Variants in TTYH1 observed in about 807,000 individuals in gnomAD.
TTYH1 encodes the protein protein tweety homolog 1.
Under a neutral mutation model 61.2 loss-of-function variants are expected in TTYH1, and 33 were observed. That is an observed-to-expected ratio of 0.54 (90% CI 0.41 to 0.72). The LOEUF (loss-of-function observed/expected upper bound fraction) is 0.72, where lower values mean the gene tolerates loss of function less well. Among genes scored for constraint, TTYH1 ranks in the 30% least tolerant of loss-of-function variants. The probability of loss-of-function intolerance (pLI) is 0.00; values close to 1 mark genes in which losing one functional copy is unlikely to be tolerated. For missense variants in TTYH1, 538 were observed against 575.8 expected (o/e 0.93, Z 0.67); for synonymous variants, 308 against 266.4 (o/e 1.16, Z -1.52).
At position 54,429,264 on chromosome 19, in the gene TTYH1, G is replaced by A. The variant is rs1423640423; in HGVS notation, c.735-43G>A. On this transcript the variant is annotated intron_variant, in intron 5 of 13. Transcript: ENST00000376530. The surrounding 1 kb of genome is among the most constrained non-coding windows in gnomAD (Gnocchi z 5.1). ...TGGGGTGTGGAAAGAGGCTAGGCTAGGAGATTAAGAACCCCGGGCTGATCC... is the reference window on the plus strand; with the variant it reads ...TGGGGTGTGGAAAGAGGCTAGGCTAAGAGATTAAGAACCCCGGGCTGATCC... 6.3e-7 allele frequency: 1 copy of A among 1,584,978 alleles called. No individual in the cohort carries two copies. The highest frequency in any genetic ancestry group is 1.7e-5 in the Admixed American group (1 of 59,960).
At chr19:54,431,047 G>A in intron 9 of TTYH1, 52 bp from the exon 10 acceptor site, 1 of 1,534,456 alleles carries the variant, frequency 6.5e-7, no homozygotes, top group Non-Finnish European at 9.0e-7. Context: ...GGGCCAGGGC[G>A]ATGGGCGGGC....
In TTYH1 at chr19:54,419,253, G is replaced by A. The variant is rs768683157; in HGVS notation, c.252G>A (p.Ser84=). 9.3e-6 allele frequency: 15 copies of A among 1,607,262 alleles called. No individual in the cohort carries two copies. Among genetic ancestry groups the A allele is most frequent in the Non-Finnish European group, 1.3e-5 (15 of 1,179,826 alleles). Residue 84 remains serine, a synonymous_variant, in exon 2 of 14, where the codon TCG becomes TCA. Coordinates refer to ENST00000376530, the MANE Select transcript of TTYH1 (RefSeq NM_020659.4). This position sits in a 1 kb window ranked among gnomAD's most constrained non-coding sequence, Gnocchi z 6.1. ...AGCCCCCCGGGTCCAAGATCCCCTCGCCCGGGGGAGGCTGCGTCACCTGGA... is the reference window on the plus strand; with the variant it reads ...AGCCCCCCGGGTCCAAGATCCCCTCACCCGGGGGAGGCTGCGTCACCTGGA... ...PPEPPGSKIP[S]PGGGCVTWSC... is the part of the protein sequence containing the mutation.
intron 10 of TTYH1, chr19:54,433,429 A>G (rs28576683): frequency 0.4 from 60,404 of 151,646 alleles, 14,092 homozygotes; most frequent in African/African-American, 0.65. Context: ...GCGTGGTGGC[A>G]CACCCCTGTA....
rs531505871 is a variant in TTYH1, at chr19:54,436,475, G to C, written c.*185G>C. 6.4e-5 allele frequency: 87 copies of C among 1,357,020 alleles called. No homozygotes were observed. In the East Asian group the frequency reaches 1.5e-3, roughly 24 times the overall value. 84.1% of individuals were successfully genotyped at this position (1,357,020 alleles called of 1,614,324 possible). A position where few individuals can be genotyped will look rare whatever the true frequency, so the allele number is the denominator to read the frequency against. Reference sequence around the variant, plus strand: ...GCTCCCATTTCTGTCCTTGGCCTTGGGAGTAGCTGAGGGGGCAGACTAGGG... The same window carrying C: ...GCTCCCATTTCTGTCCTTGGCCTTGCGAGTAGCTGAGGGGGCAGACTAGGG... On this transcript the variant is annotated 3_prime_UTR_variant, in exon 14 of 14. Coordinates refer to ENST00000376530, the MANE Select transcript of TTYH1 (RefSeq NM_020659.4). This position sits in a 1 kb window ranked among gnomAD's most constrained non-coding sequence, Gnocchi z 4.3.
Position 54,435,575 on chromosome 19 carries a change from G to T in TTYH1, c.1159G>T (p.Asp387Tyr). ...YGAALRGLCEDALEGLLFLLL... is the reference protein window; with the variant it reads ...YGAALRGLCEYALEGLLFLLL... ...TGCAGCCCTGCGGGGCCTGTGCGAA[G>T]ACGCCCTGGAAGGCCTGCTCTTCCT... The change falls in exon 11 of 14, where the codon GAC becomes TAC. Residue 387 changes from aspartate (D) to tyrosine (Y), a missense_variant. By Grantham distance (160) the Asp-to-Tyr change is radical. Transcript: ENST00000376530. 6.2e-7 allele frequency: 1 copy of T among 1,609,596 alleles called. No individual in the cohort carries two copies.
rs1027349882 is a variant in TTYH1, at chr19:54,416,872, G to A, written c.126+1194G>A. 42 of 1,291,260 alleles carry A rather than the reference G, an allele frequency of 3.3e-5. No homozygotes were observed. In the East Asian group the frequency reaches 3.9e-4, roughly 12 times the overall value. The allele number at this position is 1,291,260 out of a possible 1,614,324, so 80.0% of individuals were successfully genotyped here. A position where few individuals can be genotyped will look rare whatever the true frequency, so the allele number is the denominator to read the frequency against. ...CCCAGACTCACGCCCGCTCTGGCCC[G>A]GAGACCTCCCGAAGCCGCACGCGGG... On this transcript the variant is annotated intron_variant, in intron 1 of 13. Coordinates refer to ENST00000376530, the MANE Select transcript of TTYH1 (RefSeq NM_020659.4). This position sits in a 1 kb window ranked among gnomAD's most constrained non-coding sequence, Gnocchi z 7.0.
chr19:54,425,137 G>C (rs2083297066), intron 4 of TTYH1, among the ~76,000 whole-genome samples: 1 of 152,214 alleles, frequency 6.6e-6, no homozygotes, highest in African/African-American at 2.4e-5. Flanking sequence ...CAGGAACAAT[G>C]GCGAGCCTCT....
In TTYH1 at chr19:54,436,280, C is replaced by T. The variant is rs983038704; in HGVS notation, c.*43-53C>T. 1.2e-6 allele frequency: 2 copies of T among 1,612,520 alleles called. No individual in the cohort carries two copies. The highest frequency in any genetic ancestry group is 1.7e-6 in the Non-Finnish European group (2 of 1,178,880). ...CGTGCCTCCTGCTGGGTGGATCGCACCGGGCAGGCCCTCCAGCCTGCATCA... is the reference window on the plus strand; with the variant it reads ...CGTGCCTCCTGCTGGGTGGATCGCATCGGGCAGGCCCTCCAGCCTGCATCA... On this transcript the variant is annotated intron_variant, in intron 13 of 13. Transcript: ENST00000376530. The surrounding 1 kb of genome is among the most constrained non-coding windows in gnomAD (Gnocchi z 4.3).
rs763077187 is a variant in TTYH1, at chr19:54,421,562, C to T, written c.417+174C>T. 3.3e-5 allele frequency among the ~76,000 whole-genome samples: 5 copies of T among 152,048 alleles called. No homozygotes were observed. Among genetic ancestry groups the T allele is most frequent in the Non-Finnish European group, 7.4e-5 (5 of 67,992 alleles). On this transcript the variant is annotated intron_variant, in intron 3 of 13. Coordinates refer to ENST00000376530, the MANE Select transcript of TTYH1 (RefSeq NM_020659.4). The surrounding 1 kb of genome is among the most constrained non-coding windows in gnomAD (Gnocchi z 4.8). ...CTCAGACTATCCACCCAACCCCCGA[C>T]CCTGGCTGCAAATTGAGGACCTCAC...
rs1042467638 is a variant in TTYH1, at chr19:54,429,662, C to T, written c.808-220C>T. On this transcript the variant is annotated intron_variant, in intron 6 of 13. Transcript: ENST00000376530. This position sits in a 1 kb window ranked among gnomAD's most constrained non-coding sequence, Gnocchi z 5.1. ...GTGTGAGGGAGGAGAAGCTGGGGGC[C>T]TGGACTCCTGAGTCTGAGGGAGAAA... Among the ~76,000 whole-genome samples the T allele has an allele frequency of 1.6e-4, 25 of 151,534 alleles. No individual in the cohort carries two copies. The highest frequency in any genetic ancestry group is 5.8e-4 in the African/African-American group (24 of 41,164).
chr19:54,435,495 T>C (rs1358441872), intron 10 of TTYH1, 47 bp from the exon 11 acceptor site: 2 of 1,543,274 alleles, frequency 1.3e-6, no homozygotes, highest in South Asian at 1.2e-5. Context: ...TGTGTGCCGA[T>C]GGGGGAGGGG....
rs1008454338 is a variant in TTYH1, at chr19:54,419,774, AC to A, written c.305+470del. Among the ~76,000 whole-genome samples, 2 of 152,258 alleles carry A rather than the reference AC, an allele frequency of 1.3e-5. No individual in the cohort carries two copies. Among genetic ancestry groups the A allele is most frequent in the Non-Finnish European group, 2.9e-5 (2 of 68,022 alleles). On this transcript the variant is annotated intron_variant, in intron 2 of 13. Transcript: ENST00000376530. The surrounding 1 kb of genome is among the most constrained non-coding windows in gnomAD (Gnocchi z 6.1). Reference sequence around the variant, plus strand: ...GGTGATGTCTGTCATTCCGTCATTCACCAGCTCATTCATTCGACAACTGTTT... The same window carrying A: ...GGTGATGTCTGTCATTCCGTCATTCACAGCTCATTCATTCGACAACTGTTT...
Position 54,434,397 on chromosome 19 carries a change from T to G in TTYH1, c.1126-1145T>G, listed in dbSNP as rs959096393. On this transcript the variant is annotated intron_variant, in intron 10 of 13. Transcript: ENST00000376530. The surrounding 1 kb of genome is among the most constrained non-coding windows in gnomAD (Gnocchi z 4.3). The stretch of plus-strand genomic sequence containing the variant: ...CTGGGTGGTCAGTCCTGGATCTGTC[T>G]GCCTCTGGCCTCAGCCCCTCCCAGC... 6.5e-6 allele frequency: 1 copy of G among 152,916 alleles called. No individual in the cohort carries two copies. Among genetic ancestry groups the G allele is most frequent in the African/African-American group, 2.4e-5 (1 of 41,454 alleles). 9.5% of individuals were successfully genotyped at this position (152,916 alleles called of 1,614,324 possible). A position where few individuals can be genotyped will look rare whatever the true frequency, so the allele number is the denominator to read the frequency against.
rs1287314025 is a variant in TTYH1 at position 54,420,491 on chromosome 19, C to T, written c.306-786C>T. On this transcript the variant is annotated intron_variant, in intron 2 of 13. Coordinates refer to ENST00000376530, the MANE Select transcript of TTYH1 (RefSeq NM_020659.4). The surrounding 1 kb of genome is among the most constrained non-coding windows in gnomAD (Gnocchi z 4.8). Reference sequence around the variant, plus strand: ...CCGAGGGATGGGGGTGGAGGCCCAGCCGGGGCTGGGAACCGGGAGGGTGTC... The same window carrying T: ...CCGAGGGATGGGGGTGGAGGCCCAGTCGGGGCTGGGAACCGGGAGGGTGTC... Among the ~76,000 whole-genome samples the T allele has an allele frequency of 6.6e-6, 1 of 151,854 alleles. No homozygotes were observed. The highest frequency in any genetic ancestry group is 1.5e-5 in the Non-Finnish European group (1 of 67,904).
At chr19:54,417,735 C>T (rs1210051346) in intron 1 of TTYH1, among the ~76,000 whole-genome samples, 2 of 151,968 alleles carry the variant, frequency 1.3e-5, no homozygotes, top group East Asian at 3.9e-4. Context: ...CATGCACACA[C>T]ATATTGACTA....
Position 54,435,848 on chromosome 19 carries a change from A to C in TTYH1, c.1289A>C (p.Asp430Ala), listed in dbSNP as rs2083537738. The C allele has an allele frequency of 6.2e-7, 1 of 1,613,214 alleles. No individual in the cohort carries two copies. Among genetic ancestry groups the C allele is most frequent in the Non-Finnish European group, 8.5e-7 (1 of 1,179,978 alleles). ...CCCAGTGACGACTACGATGACACAG[A>C]CGATGACGACCCTTTCAACCCTCAG... is the stretch of plus-strand genomic sequence containing the variant. ...FPPSDDYDDT[D>A]DDDPFNPQES... The change falls in exon 12 of 14, where the codon GAC becomes GCC. Residue 430 changes from aspartate (D) to alanine (A), a missense_variant. Asp to Ala is a moderately radical substitution (Grantham distance 126). Around this residue, in one of 3 missense-constraint regions of TTYH1, gnomAD observed 378 missense variants for 401.2 expected, o/e 0.94. Transcript: ENST00000376530.
chr19:54,431,319 A>G, intron 10 of TTYH1, 128 bp downstream of exon 10: 1 of 668,796 alleles, frequency 1.5e-6, no homozygotes, highest in Non-Finnish European at 2.7e-6. Flanking sequence ...CTCTGTTTAT[A>G]TGATTTATCT....
intron 8 of TTYH1, 69 bp from the exon 9 acceptor site, chr19:54,430,744 C>G (rs2083420947): frequency 1.3e-6 from 2 of 1,585,898 alleles, no homozygotes; most frequent in East Asian, 4.5e-5. Flanking sequence ...GTGCTGTGTC[C>G]GGAGGAGAGG....
Position 54,436,008 on chromosome 19 carries a change from G to T in TTYH1, c.1315-83G>T. 2 of 1,579,138 alleles carry T rather than the reference G, an allele frequency of 1.3e-6. No homozygotes were observed. Among genetic ancestry groups the T allele is most frequent in the Non-Finnish European group, 1.7e-6 (2 of 1,149,898 alleles). On this transcript the variant is annotated intron_variant, in intron 12 of 13. Transcript: ENST00000376530. This position sits in a 1 kb window ranked among gnomAD's most constrained non-coding sequence, Gnocchi z 4.3. ...GGGGCCCGGACTCCTGGGTCTGAGGGAGGAGGGGCTGGGGTCCCACAGTAC... is the reference window on the plus strand; with the variant it reads ...GGGGCCCGGACTCCTGGGTCTGAGGTAGGAGGGGCTGGGGTCCCACAGTAC...
Sources: allele counts gnomAD v4.1 joint callset (sites outside exome capture counted in the v4.1 genomes callset), GRCh38; gene constraint gnomAD v4.1.1; regional missense constraint gnomAD v4.1.1; non-coding constraint Gnocchi (gnomAD v3.1); transcripts MANE v1.5; gene names NCBI Gene and HGNC (gene_info 2026-07-23, HGNC 2026-07-21).